The following CARMIL3 variants were observed in gnomAD, a reference collection of about 807,000 sequenced individuals.
CARMIL3 encodes capping protein, Arp2/3 and myosin-I linker protein 3.
Under a neutral mutation model 180.8 loss-of-function variants are expected in CARMIL3, and 88 were observed. That is an observed-to-expected ratio of 0.49 (90% confidence interval 0.41 to 0.58). The LOEUF (loss-of-function observed/expected upper bound fraction) is 0.58, where lower values mean the gene tolerates loss of function less well. Ranked by LOEUF, CARMIL3 falls within the 20% of genes least tolerant of loss-of-function variation. The pLI is 0.00. For missense variants in CARMIL3, 1,548 were observed against 1,787.0 expected (o/e 0.87, Z 2.41); for synonymous variants, 696 against 714.5 (o/e 0.97, Z 0.41).
chr14:24,059,733 G>A lies in CARMIL3; in HGVS notation c.1868+1G>A. On this transcript the variant is annotated splice_donor_variant, in intron 22 of 39. Coordinates refer to ENST00000342740, the MANE Select transcript of CARMIL3 (RefSeq NM_138360.4). LOFTEE classifies it high-confidence loss of function. The surrounding 1 kb of genome is among the most constrained non-coding windows in gnomAD (Gnocchi z 6.3). ...TGGACATCGCAAGGGCCCTGGAGAG[G>A]TGAGTAGACCATGGTCCTGCCCTGA... 1 of 1,614,032 alleles carries A rather than the reference G, an allele frequency of 6.2e-7. No individual in the cohort carries two copies. Among genetic ancestry groups the A allele is most frequent in the Non-Finnish European group, 8.5e-7 (1 of 1,179,970 alleles).
Position 24,059,554 on chromosome 14 carries a change from C to A in CARMIL3, c.1800-110C>A. 1.3e-6 allele frequency: 2 copies of A among 1,513,726 alleles called. No homozygotes were observed. The highest frequency in any genetic ancestry group is 1.8e-6 in the Non-Finnish European group (2 of 1,113,218). The allele number at this position is 1,513,726 out of a possible 1,614,324, so 93.8% of individuals were successfully genotyped here. A position where few individuals can be genotyped will look rare whatever the true frequency, so the allele number is the denominator to read the frequency against. On this transcript the variant is annotated intron_variant, in intron 21 of 39. Transcript: ENST00000342740. This position sits in a 1 kb window ranked among gnomAD's most constrained non-coding sequence, Gnocchi z 6.3. ...ACCCCAGCTTCCAGAAGACCCCCAGCCCCAGAACCATCTCTGAGTCAGCCT... is the reference window on the plus strand; with the variant it reads ...ACCCCAGCTTCCAGAAGACCCCCAGACCCAGAACCATCTCTGAGTCAGCCT...
At position 24,069,593 on chromosome 14, in the gene CARMIL3, A is replaced by G; in HGVS notation, c.*189A>G. ...GCCACCTGGAGAGACGGAGGCTGTC[A>G]GTGCCTGCCTCGATACCTCTCTCTG... On this transcript the variant is annotated 3_prime_UTR_variant, in exon 40 of 40. Transcript: ENST00000342740. The G allele has an allele frequency of 6.1e-6, 4 of 656,494 alleles. No individual in the cohort carries two copies. The highest frequency in any genetic ancestry group is 7.8e-6 in the Non-Finnish European group (3 of 386,748). The allele number at this position is 656,494 out of a possible 1,614,324, so 40.7% of individuals were successfully genotyped here.
rs1004916360 is a variant in CARMIL3, at chr14:24,061,298, G to A, written c.2305-199G>A. On this transcript the variant is annotated intron_variant, in intron 26 of 39. Coordinates refer to ENST00000342740, the MANE Select transcript of CARMIL3 (RefSeq NM_138360.4). The surrounding 1 kb of genome is among the most constrained non-coding windows in gnomAD (Gnocchi z 4.1). ...ATCCTTGGACTGACTGCCCCTGTCT[G>A]TATGGTAGGGTGGAAGGAGCACTGA... The A allele has an allele frequency of 1.2e-5, 8 of 642,872 alleles. No individual in the cohort carries two copies. In the Admixed American group the frequency reaches 1.5e-4, roughly 12 times the overall value. 39.8% of individuals were successfully genotyped at this position (642,872 alleles called of 1,614,324 possible).
intron 28 of CARMIL3, 66 bp from the exon 29 acceptor site, chr14:24,062,643 T>C: frequency 6.2e-7 from 1 of 1,612,780 alleles, no homozygotes; most frequent in Non-Finnish European, 8.5e-7. Context: ...CTAATCACCC[T>C]CCCCTTCAAG....
rs1399499666 is a variant in CARMIL3 at position 24,068,936 on chromosome 14, C to G, written c.3952C>G (p.Gln1318Glu). 3 of 1,577,684 alleles carry G rather than the reference C, an allele frequency of 1.9e-6. No homozygotes were observed. In the South Asian group the frequency reaches 3.4e-5, roughly 18 times the overall value. The change falls in exon 38 of 40, where the codon CAG becomes GAG. Residue 1318 changes from glutamine (Q) to glutamate (E), a missense_variant. Physicochemically the swap from Gln to Glu is conservative, Grantham distance 29. This residue lies in a region of CARMIL3 where 668 missense variants were observed against 687.8 expected (regional missense o/e 0.97). Transcript: ENST00000342740. The part of the protein sequence containing the change: ...VNKPRLRLSS[Q>E]QDQEEPEVQG... ...CAAACCCCGGCTGAGGCTGAGCTCACAGCAAGACCAAGAGGAGCCCGAAGT... is the reference window on the plus strand; with the variant it reads ...CAAACCCCGGCTGAGGCTGAGCTCAGAGCAAGACCAAGAGGAGCCCGAAGT...
Position 24,058,828 on chromosome 14 carries a change from C to G in CARMIL3, c.1475-62C>G, listed in dbSNP as rs1231903606. 6.2e-7 allele frequency: 1 copy of G among 1,611,664 alleles called. No homozygotes were observed. The highest frequency in any genetic ancestry group is 1.3e-5 in the African/African-American group (1 of 74,990). On this transcript the variant is annotated intron_variant, in intron 18 of 39. Coordinates refer to ENST00000342740, the MANE Select transcript of CARMIL3 (RefSeq NM_138360.4). The surrounding 1 kb of genome is among the most constrained non-coding windows in gnomAD (Gnocchi z 6.4). ...AGGGGCCTGGAGCATGCAGAAGCAG[C>G]CCTGATGGGACACCAGTCAGCCTCA...
intron 27 of CARMIL3, 106 bp from the exon 28 acceptor site, chr14:24,062,374 C>T: frequency 3.9e-6 from 4 of 1,028,052 alleles, no homozygotes; most frequent in South Asian, 3.8e-5. Flanking sequence ...GCAGACAGAC[C>T]AGGCCAGCTG....
In CARMIL3 at chr14:24,069,610, CT is replaced by C; in HGVS notation, c.*207del. 1 of 618,282 alleles carries C rather than the reference CT, an allele frequency of 1.6e-6. No homozygotes were observed. Among genetic ancestry groups the C allele is most frequent in the Non-Finnish European group, 2.8e-6 (1 of 353,652 alleles). The allele number at this position is 618,282 out of a possible 1,614,324, so 38.3% of individuals were successfully genotyped here. A position where few individuals can be genotyped will look rare whatever the true frequency, so the allele number is the denominator to read the frequency against. Reference sequence around the variant, plus strand: ...AGGCTGTCAGTGCCTGCCTCGATACCTCTCTCTGCAGAGAGCTTCTGGGTGG... The same window carrying C: ...AGGCTGTCAGTGCCTGCCTCGATACCCTCTCTGCAGAGAGCTTCTGGGTGG... On this transcript the variant is annotated 3_prime_UTR_variant, in exon 40 of 40. Coordinates refer to ENST00000342740, the MANE Select transcript of CARMIL3 (RefSeq NM_138360.4).
At position 24,057,856 on chromosome 14, in the gene CARMIL3, G is replaced by T. The variant is rs777900161; in HGVS notation, c.1194G>T (p.Leu398=). The T allele has an allele frequency of 1.2e-5, 19 of 1,612,258 alleles. No individual in the cohort carries two copies. Among genetic ancestry groups the T allele is most frequent in the Admixed American group, 1.7e-5 (1 of 59,938 alleles). The change falls in exon 15 of 40, where the codon CTG becomes CTT. Residue 398 remains leucine, a synonymous_variant. Transcript: ENST00000342740. ...GCTCCCACCTCACCTACCTCAACCTGGCTCGCAACAGCTGCTCCCACAGGT... is the reference window on the plus strand; with the variant it reads ...GCTCCCACCTCACCTACCTCAACCTTGCTCGCAACAGCTGCTCCCACAGGT... ...GCCSHLTYLN[L]ARNSCSHRKG... is the part of the protein sequence containing the mutation.
Position 24,063,132 on chromosome 14 carries a change from A to G in CARMIL3, c.2719A>G (p.Ile907Val). 6.2e-7 allele frequency: 1 copy of G among 1,613,472 alleles called. No homozygotes were observed. Among genetic ancestry groups the G allele is most frequent in the Non-Finnish European group, 8.5e-7 (1 of 1,179,430 alleles). Reference sequence around the variant, plus strand: ...TTCATTTCTGCAGGACACCATGGCCATCAAAAAGCAGAAACGCTGCCGCAA... The same window carrying G: ...TTCATTTCTGCAGGACACCATGGCCGTCAAAAAGCAGAAACGCTGCCGCAA... ...ELGTNIDTMAIKKQKRCRKIR... is the reference protein window; with the variant it reads ...ELGTNIDTMAVKKQKRCRKIR... Residue 907 changes from isoleucine to valine, a missense_variant, in exon 30 of 40, where the codon ATC (isoleucine) becomes GTC (valine). Around this residue, in one of 4 missense-constraint regions of CARMIL3, gnomAD observed 668 missense variants for 687.8 expected, o/e 0.97. Transcript: ENST00000342740.
intron 8 of CARMIL3, 89 bp downstream of exon 8, chr14:24,055,399 G>C (rs1274259145): frequency 6.6e-7 from 1 of 1,524,298 alleles, no homozygotes; most frequent in African/African-American, 1.4e-5. Flanking sequence ...TGGTCCCACA[G>C]CCCCAGCTCT....
intron 37 of CARMIL3, 29 bp from the exon 38 acceptor site, chr14:24,068,757 C>A: frequency 6.2e-7 from 1 of 1,614,014 alleles, no homozygotes; most frequent in East Asian, 2.2e-5. Flanking sequence ...AAGGGACTAA[C>A]TGACCCAGCA....
At position 24,061,321 on chromosome 14, in the gene CARMIL3, TG is replaced by T. The variant is rs2035731062; in HGVS notation, c.2305-175del. 1 of 685,086 alleles carries T rather than the reference TG, an allele frequency of 1.5e-6. No individual in the cohort carries two copies. Among genetic ancestry groups the T allele is most frequent in the Admixed American group, 2.9e-5 (1 of 33,938 alleles). 42.4% of individuals were successfully genotyped at this position (685,086 alleles called of 1,614,324 possible). On this transcript the variant is annotated intron_variant, in intron 26 of 39. Transcript: ENST00000342740. This position sits in a 1 kb window ranked among gnomAD's most constrained non-coding sequence, Gnocchi z 4.1. ...CTGTATGGTAGGGTGGAAGGAGCACTGACCAGAAAGTGGGGAAGCCTTAGTG... is the reference window on the plus strand; with the variant it reads ...CTGTATGGTAGGGTGGAAGGAGCACTACCAGAAAGTGGGGAAGCCTTAGTG...
intron 35 of CARMIL3, 45 bp downstream of exon 35, chr14:24,066,509 G>A (rs777066385): frequency 2.5e-5 from 41 of 1,613,148 alleles, no homozygotes; most frequent in Middle Eastern, 3.3e-4. Flanking sequence ...CCTCTCTCAG[G>A]GGTCAAATTT....
Position 24,054,482 on chromosome 14 carries a change from T to C in CARMIL3, c.333T>C (p.Ser111=). 1 of 1,613,276 alleles carries C rather than the reference T, an allele frequency of 6.2e-7. No homozygotes were observed. Among genetic ancestry groups the C allele is most frequent in the Non-Finnish European group, 8.5e-7 (1 of 1,179,352 alleles). The part of the protein sequence containing the change: ...SVDQVTRHVS[S]ALSKVCPGPG... ...ACCAGGTGACACGACATGTGAGCTC[T>C]GCCCTGTCCAAGGTCTGCCCTGGCC... Residue 111 remains serine (S), a synonymous_variant, in exon 5 of 40, where the codon TCT becomes TCC. Coordinates refer to ENST00000342740, the MANE Select transcript of CARMIL3 (RefSeq NM_138360.4). The surrounding 1 kb of genome is among the most constrained non-coding windows in gnomAD (Gnocchi z 5.1).
rs754157916 is a variant in CARMIL3 at position 24,059,771 on chromosome 14, G to A, written c.1868+39G>A. Reference sequence around the variant, plus strand: ...GGTCCTGCCCTGATCCAAGTCCCCAGCCTCCCTGTGCCTGGATCAGGCCTG... The same window carrying A: ...GGTCCTGCCCTGATCCAAGTCCCCAACCTCCCTGTGCCTGGATCAGGCCTG... On this transcript the variant is annotated intron_variant, in intron 22 of 39. Coordinates refer to ENST00000342740, the MANE Select transcript of CARMIL3 (RefSeq NM_138360.4). This position sits in a 1 kb window ranked among gnomAD's most constrained non-coding sequence, Gnocchi z 6.3. 6 of 1,604,238 alleles carry A rather than the reference G, an allele frequency of 3.7e-6. No individual in the cohort carries two copies. The African/African-American group carries it at 5.4e-5, about 14-fold the overall frequency.
At chr14:24,069,356 C>T (rs1162646740) in intron 39 of CARMIL3, 23 bp from the exon 40 acceptor site, 3 of 1,614,036 alleles carry the variant, frequency 1.9e-6, no homozygotes, top group Admixed American at 3.3e-5. Flanking sequence ...GGAAACAGGG[C>T]TCCCTGGATT....
Position 24,061,900 on chromosome 14 carries a change from TAC to T in CARMIL3, c.2480+236_2480+237del, listed in dbSNP as rs1566541483. On this transcript the variant is annotated intron_variant, in intron 27 of 39. Coordinates refer to ENST00000342740, the MANE Select transcript of CARMIL3 (RefSeq NM_138360.4). This position sits in a 1 kb window ranked among gnomAD's most constrained non-coding sequence, Gnocchi z 4.1. Reference sequence around the variant, plus strand: ...AGCCAAGTTTGTGCCCACACAGGTGTACACACACATACCCACACAAATACACC... The same window carrying T: ...AGCCAAGTTTGTGCCCACACAGGTGTACACACATACCCACACAAATACACC... 1.9e-6 allele frequency: 1 copy of T among 531,570 alleles called. No homozygotes were observed. The allele number at this position is 531,570 out of a possible 1,614,324, so 32.9% of individuals were successfully genotyped here. A position where few individuals can be genotyped will look rare whatever the true frequency, so the allele number is the denominator to read the frequency against.
rs537844742 is a variant in CARMIL3 at position 24,055,133 on chromosome 14, A to T, written c.528A>T (p.Gln176His). 1 of 1,614,058 alleles carries T rather than the reference A, an allele frequency of 6.2e-7. No homozygotes were observed. The highest frequency in any genetic ancestry group is 1.7e-5 in the Admixed American group (1 of 60,020). Residue 176 changes from glutamine to histidine, a missense_variant, in exon 7 of 40, where the codon CAA becomes CAT. By Grantham distance (24) the Gln-to-His change is conservative. Coordinates refer to ENST00000342740, the MANE Select transcript of CARMIL3 (RefSeq NM_138360.4). The stretch of plus-strand genomic sequence containing the variant: ...GGCTACACTGCCGTGAGGAGGTTCA[A>T]TGGGTATGTTGGGCAGGGACCCCAT... ...YNGLHCREEV[Q>H]WDVDTIYHAE...
Sources: gnomAD v4.1 joint callset for allele counts on GRCh38, gnomAD v4.1.1 for gene constraint, gnomAD v4.1.1 regional missense constraint, Gnocchi (gnomAD v3.1) non-coding constraint, MANE v1.5 for transcripts, NCBI Gene and HGNC (gene_info 2026-07-23, HGNC 2026-07-21) for gene names.